ANKFY1: variants seen among roughly 807,000 people sequenced by gnomAD.
The protein encoded by ANKFY1 is ankyrin repeat and FYVE domain containing 1.
Under a neutral mutation model 128.3 loss-of-function variants are expected in ANKFY1, and 47 were observed. The observed-to-expected ratio is 0.37, with a 90% CI of 0.29 to 0.47. ANKFY1 has a LOEUF of 0.47. ANKFY1 is among the 20% of genes least tolerant of loss of function. The pLI, the probability that ANKFY1 is intolerant of heterozygous loss-of-function variation, is 1.00. For missense variants in ANKFY1, 1,222 were observed against 1,510.6 expected (o/e 0.81, Z 3.17); for synonymous variants, 553 against 601.6 (o/e 0.92, Z 1.18).
At chr17:4,197,054 G>A (rs138754927) in intron 8 of ANKFY1, among the ~76,000 whole-genome samples, 47 of 152,308 alleles carry the variant, frequency 3.1e-4, no homozygotes, top group Non-Finnish European at 5.6e-4. Flanking sequence ...AGGAGGTAGA[G>A]GCTGCAGTGA....
At chr17:4,260,667 C>A (rs1968369532) in intron 1 of ANKFY1, among the ~76,000 whole-genome samples, 1 of 141,554 alleles carries the variant, frequency 7.1e-6, no homozygotes, top group Non-Finnish European at 1.5e-5. Context: ...TTAGATTAAG[C>A]AGGATAGCCA....
At chr17:4,222,778 A>C (rs1485870231) in intron 3 of ANKFY1, 1 of 1,003,576 alleles carries the variant, frequency 1.0e-6, no homozygotes, top group African/African-American at 1.6e-5. Flanking sequence ...TTGCACCTTC[A>C]TAGTATGAAA....
chr17:4,261,692 T>C (rs1968426289), intron 1 of ANKFY1, among the ~76,000 whole-genome samples: 1 of 152,226 alleles, frequency 6.6e-6, no homozygotes, highest in Non-Finnish European at 1.5e-5. Context: ...GGAACCCGAC[T>C]GCAAAGCACA....
chr17:4,194,717 C>A (rs759022182), intron 10 of ANKFY1: 15 of 466,848 alleles, frequency 3.2e-5, no homozygotes, highest in Admixed American at 7.6e-5. Context: ...CAAAGGAATT[C>A]TTGAGTCCAA....
At chr17:4,210,762 T>C (rs1273427456) in intron 4 of ANKFY1, among the ~76,000 whole-genome samples, 2 of 130,260 alleles carry the variant, frequency 1.5e-5, no homozygotes, top group African/African-American at 2.8e-5. Flanking sequence ...GTGTATGATA[T>C]GTGAATTATA....
At chr17:4,246,481 G>A (rs930267232) in intron 1 of ANKFY1, among the ~76,000 whole-genome samples, 4 of 152,186 alleles carry the variant, frequency 2.6e-5, no homozygotes, top group African/African-American at 9.7e-5. Flanking sequence ...CTCACCAGAT[G>A]CTATGCAAGT....
At chr17:4,243,888 C>T (rs142059898) in intron 1 of ANKFY1, among the ~76,000 whole-genome samples, 6 of 152,224 alleles carry the variant, frequency 3.9e-5, no homozygotes, top group Non-Finnish European at 8.8e-5. Context: ...TCTGACATAC[C>T]TGTCACTGGA....
In ANKFY1 at chr17:4,184,809, C is replaced by T. The variant is rs777538225; in HGVS notation, c.1699+9G>A. 9 of 1,610,986 alleles carry T rather than the reference C, an allele frequency of 5.6e-6. No homozygotes were observed. Among genetic ancestry groups the T allele is most frequent in the Admixed American group, 1.7e-5 (1 of 60,012 alleles). On this transcript the variant is annotated intron_variant, in intron 12 of 24. Transcript: ENST00000341657. ...GTCAAAAGGATGGACAGTATTCCCACTTACTTACCTTTCTGCTCCAGGATG... is the reference window on the plus strand; with the variant it reads ...GTCAAAAGGATGGACAGTATTCCCATTTACTTACCTTTCTGCTCCAGGATG...
chr17:4,170,002 C>G (rs1433829199), intron 23 of ANKFY1, among the ~76,000 whole-genome samples: 1 of 152,184 alleles, frequency 6.6e-6, no homozygotes, highest in Non-Finnish European at 1.5e-5. Context: ...GCTGCCGGCC[C>G]TGTGATGGGC....
At chr17:4,208,990 C>T (rs961393070) in intron 5 of ANKFY1, among the ~76,000 whole-genome samples, 4 of 151,492 alleles carry the variant, frequency 2.6e-5, no homozygotes, top group Non-Finnish European at 5.9e-5. Flanking sequence ...ACCTGGGAGG[C>T]GGAGGTTGCA....
intron 4 of ANKFY1, among the ~76,000 whole-genome samples, chr17:4,214,715 A>G (rs1171254042): frequency 6.6e-6 from 1 of 152,020 alleles, no homozygotes; most frequent in Non-Finnish European, 1.5e-5. Context: ...TTTAGTAGAG[A>G]CTGGGTTTCA....
At chr17:4,180,895 T>A (rs2059503439) in intron 16 of ANKFY1, 1 of 196,462 alleles carries the variant, frequency 5.1e-6, no homozygotes, top group African/African-American at 2.3e-5. Flanking sequence ...CAGAGCCTGT[T>A]ACGACTCACA....
intron 14 of ANKFY1, 69 bp from the exon 15 acceptor site, chr17:4,182,418 G>T: frequency 8.0e-7 from 1 of 1,250,336 alleles, no homozygotes; most frequent in Non-Finnish European, 1.1e-6. Context: ...GCCCTTCTGG[G>T]CATTCCAGAG....
chr17:4,197,700 C>T, intron 7 of ANKFY1, 123 bp from the exon 8 acceptor site: 1 of 836,546 alleles, frequency 1.2e-6, no homozygotes, highest in South Asian at 1.6e-5. Flanking sequence ...TCTGAAGGAA[C>T]CTCTTGGGGC....
intron 7 of ANKFY1, among the ~76,000 whole-genome samples, chr17:4,203,356 T>C (rs575882141): frequency 9.9e-5 from 15 of 152,272 alleles, no homozygotes; most frequent in African/African-American, 3.1e-4. Context: ...AACAAAAAAC[T>C]TCACACTAAA....
At position 4,169,420 on chromosome 17, in the gene ANKFY1, C is replaced by T. The variant is rs977264722; in HGVS notation, c.3287-132G>A. 21 of 672,960 alleles carry T rather than the reference C, an allele frequency of 3.1e-5. No individual in the cohort carries two copies. Among genetic ancestry groups the T allele is most frequent in the African/African-American group, 7.2e-5 (4 of 55,830 alleles). The allele number at this position is 672,960 out of a possible 1,614,324, so 41.7% of individuals were successfully genotyped here. ...CCACATGACATAGGTGACGAAGGAGCGATAGGTTCTAAGTGGTTCAGGGCC... is the reference window on the plus strand; with the variant it reads ...CCACATGACATAGGTGACGAAGGAGTGATAGGTTCTAAGTGGTTCAGGGCC... On this transcript the variant is annotated intron_variant, in intron 23 of 24. Transcript: ENST00000341657. The surrounding 1 kb of genome is among the most constrained non-coding windows in gnomAD (Gnocchi z 5.0).
intron 3 of ANKFY1, among the ~76,000 whole-genome samples, chr17:4,232,190 T>G (rs2060524693): frequency 6.6e-6 from 1 of 152,232 alleles, no homozygotes; most frequent in Non-Finnish European, 1.5e-5. Context: ...GGAAAACATT[T>G]GAGCCTTTAA....
rs371083681 is a variant in ANKFY1 at position 4,208,046 on chromosome 17, C to T, written c.619G>A (p.Ala207Thr). The stretch of plus-strand genomic sequence containing the variant: ...TTGATCATTTTGTATAACAACTGAG[C>T]GCTCATGCTGCTGAAATCCTCCTTC... ...LRKEDFSSMS[A>T]QLLYKMIKSK... The change falls in exon 6 of 25, where the codon GCT becomes ACT. Residue 207 changes from alanine (A) to threonine (T), a missense_variant. By Grantham distance (58) the Ala-to-Thr change is moderately conservative. Coordinates refer to ENST00000341657, the MANE Select transcript of ANKFY1 (RefSeq NM_001330063.2). The T allele has an allele frequency of 5.3e-5, 85 of 1,610,066 alleles. 1 individual carries two copies. The highest frequency in any genetic ancestry group is 1.2e-4 in the African/African-American group (9 of 74,878).
chr17:4,195,214 C>T (rs780144190), intron 9 of ANKFY1, 37 bp from the exon 10 acceptor site: 25 of 1,556,852 alleles, frequency 1.6e-5, no homozygotes, highest in Admixed American at 1.4e-4. Context: ...CACATACAAT[C>T]TTTTTGAGAC....
Sources: allele counts gnomAD v4.1 joint callset (sites outside exome capture counted in the v4.1 genomes callset), GRCh38; gene constraint gnomAD v4.1.1; non-coding constraint Gnocchi (gnomAD v3.1); transcripts MANE v1.5; gene names NCBI Gene and HGNC (gene_info 2026-07-23, HGNC 2026-07-21).